Variants in GRIN2A observed in about 807,000 individuals in gnomAD.
GRIN2A encodes the protein glutamate ionotropic receptor NMDA type subunit 2A.
GRIN2A carries 22 observed loss-of-function variants against 113.4 expected under a neutral mutation model. That is an observed-to-expected ratio of 0.19 (90% CI 0.14 to 0.28). The LOEUF is 0.28. Among genes scored for constraint, GRIN2A ranks in the 10% least tolerant of loss-of-function variants. GRIN2A has a pLI of 1.00. For synonymous variants in GRIN2A, 827 were observed against 738.4 expected, an observed-to-expected ratio of 1.12 and a Z score of -1.94; for missense variants, 1,502 against 1,887.0, an observed-to-expected ratio of 0.80 and a Z score of 3.78.
At chr16:9,837,008 A>C (rs2042593508) in intron 7 of GRIN2A, among the ~76,000 whole-genome samples, 1 of 152,196 alleles carries the variant, frequency 6.6e-6, no homozygotes, top group South Asian at 2.1e-4. Context: ...AAAAGCTTAG[A>C]GGCATTACCT....
chr16:10,125,909 G>C (rs1567317097), intron 2 of GRIN2A, among the ~76,000 whole-genome samples: 1 of 152,002 alleles, frequency 6.6e-6, no homozygotes, highest in Non-Finnish European at 1.5e-5. Flanking sequence ...CAGAGCAGAA[G>C]GAGGTCTGAC....
At chr16:10,113,290 C>CG (rs1040349462) in intron 2 of GRIN2A, among the ~76,000 whole-genome samples, 2 of 151,998 alleles carry the variant, frequency 1.3e-5, no homozygotes, top group African/African-American at 4.8e-5. Flanking sequence ...TGGCTCTTCC[C>CG]GGGCCGCTGC....
chr16:9,783,412 T>C (rs1004856049), intron 11 of GRIN2A, among the ~76,000 whole-genome samples: 1 of 152,260 alleles, frequency 6.6e-6, no homozygotes, highest in Non-Finnish European at 1.5e-5. Flanking sequence ...ACTGTTATTA[T>C]AGTCAATAAA....
At chr16:9,794,965 A>G (rs1902878913) in intron 11 of GRIN2A, among the ~76,000 whole-genome samples, 1 of 152,106 alleles carries the variant, frequency 6.6e-6, no homozygotes, top group Admixed American at 6.6e-5. Context: ...GGTGATGGCC[A>G]TGATGATGGT....
At chr16:10,089,892 G>A (rs748888945) in intron 2 of GRIN2A, among the ~76,000 whole-genome samples, 4 of 152,024 alleles carry the variant, frequency 2.6e-5, no homozygotes, top group South Asian at 2.1e-4. Flanking sequence ...AAATAAAACC[G>A]ATGAGGGGGA....
intron 10 of GRIN2A, among the ~76,000 whole-genome samples, chr16:9,814,405 C>A (rs185307077): frequency 6.6e-6 from 1 of 152,114 alleles, no homozygotes; most frequent in African/African-American, 2.4e-5. Context: ...GTACCCAGAT[C>A]GTAGGGGTGT....
intron 3 of GRIN2A, among the ~76,000 whole-genome samples, chr16:9,894,487 T>G (rs541616664): frequency 1.6e-4 from 25 of 152,296 alleles, no homozygotes; most frequent in African/African-American, 6.0e-4. Context: ...CCCTTTGATG[T>G]TTCCTGGCTG....
intron 2 of GRIN2A, chr16:10,033,728 T>A (rs1285786794): frequency 4.6e-5 from 7 of 152,364 alleles, no homozygotes; most frequent in Non-Finnish European, 1.0e-4. Flanking sequence ...GAAGCAAGCA[T>A]GTGCGACCAG....
In GRIN2A at chr16:10,180,079, C is replaced by T. The variant is rs1286229927; in HGVS notation, c.333G>A (p.Gln111=). Residue 111 remains glutamine (Q), a synonymous_variant, in exon 2 of 13, where the codon CAG becomes CAA. Transcript: ENST00000330684. The surrounding 1 kb of genome is among the most constrained non-coding windows in gnomAD (Gnocchi z 7.0). ...TGTGGGAGGAGATAAAATCCAGCATCTGGGCTACGGCCTCCTGGTCCGTGT... is the reference window on the plus strand; with the variant it reads ...TGTGGGAGGAGATAAAATCCAGCATTTGGGCTACGGCCTCCTGGTCCGTGT... ...GDDTDQEAVA[Q]MLDFISSHTF... is the part of the protein sequence containing the mutation. The T allele has an allele frequency of 1.9e-6, 3 of 1,614,056 alleles. No homozygotes were observed. The African/African-American group carries it at 4.0e-5, about 22-fold the overall frequency.
At position 9,762,133 on chromosome 16, in the gene GRIN2A, A is replaced by G. The variant is rs1302344011; in HGVS notation, c.*1016T>C. The G allele has an allele frequency of 1.4e-5, 3 of 213,380 alleles. No homozygotes were observed. In the Middle Eastern group the frequency reaches 4.5e-3, roughly 322 times the overall value. The allele number at this position is 213,380 out of a possible 1,614,324, so 13.2% of individuals were successfully genotyped here. Reference sequence around the variant, plus strand: ...GTTGGTGCATGTCACCACATTAACAACTCTGGGAAGAGCGATACACAGCTA... The same window carrying G: ...GTTGGTGCATGTCACCACATTAACAGCTCTGGGAAGAGCGATACACAGCTA... On this transcript the variant is annotated 3_prime_UTR_variant, in exon 13 of 13. Coordinates refer to ENST00000330684, the MANE Select transcript of GRIN2A (RefSeq NM_001134407.3).
At chr16:9,781,102 C>T (rs754537902) in intron 11 of GRIN2A, among the ~76,000 whole-genome samples, 1 of 151,472 alleles carries the variant, frequency 6.6e-6, no homozygotes, top group Non-Finnish European at 1.5e-5. Context: ...ACAAAAACAG[C>T]CATAGACAAT....
chr16:9,927,678 A>G (rs2044494740), intron 3 of GRIN2A, among the ~76,000 whole-genome samples: 1 of 152,256 alleles, frequency 6.6e-6, no homozygotes, highest in Non-Finnish European at 1.5e-5. Context: ...GAGGAAGTCA[A>G]TACATGGTAG....
In GRIN2A at chr16:10,180,501, C is replaced by T. The variant is rs2050247091; in HGVS notation, c.-18-72G>A. The T allele has an allele frequency of 6.5e-7, 1 of 1,538,168 alleles. No individual in the cohort carries two copies. Among genetic ancestry groups the T allele is most frequent in the Non-Finnish European group, 8.7e-7 (1 of 1,148,276 alleles). On this transcript the variant is annotated intron_variant, in intron 1 of 12. Coordinates refer to ENST00000330684, the MANE Select transcript of GRIN2A (RefSeq NM_001134407.3). This position sits in a 1 kb window ranked among gnomAD's most constrained non-coding sequence, Gnocchi z 7.0. ...CAGAAGAAAGGGATTACCAACTTGGCTTCCTGCTCTAGGAGCCAGGCATGG... is the reference window on the plus strand; with the variant it reads ...CAGAAGAAAGGGATTACCAACTTGGTTTCCTGCTCTAGGAGCCAGGCATGG...
At chr16:9,892,006 A>G (rs2141485122) in intron 3 of GRIN2A, among the ~76,000 whole-genome samples, 1 of 152,244 alleles carries the variant, frequency 6.6e-6, no homozygotes, top group East Asian at 1.9e-4. Flanking sequence ...AGGTAGGGGA[A>G]TCACCTGAAG....
rs781722466 is a variant in GRIN2A, at chr16:10,180,340, G to T, written c.72C>A (p.Ser24Arg). The T allele has an allele frequency of 1.9e-6, 3 of 1,608,670 alleles. No homozygotes were observed. Among genetic ancestry groups the T allele is most frequent in the Non-Finnish European group, 2.5e-6 (3 of 1,179,864 alleles). Reference protein sequence around the residue: ...ALLVWRGPAPSAAAEKGPPAL... With the variant: ...ALLVWRGPAPRAAAEKGPPAL... ...CGGGGGGACCCTTCTCCGCCGCCGC[G>T]CTCGGCGCCGGACCGCGCCAGACCA... The change falls in exon 2 of 13, where the codon AGC becomes AGA. Residue 24 changes from serine to arginine, a missense_variant. Transcript: ENST00000330684. The surrounding 1 kb of genome is among the most constrained non-coding windows in gnomAD (Gnocchi z 7.0).
At chr16:10,176,658 T>C (rs987355863) in intron 2 of GRIN2A, among the ~76,000 whole-genome samples, 2 of 131,066 alleles carry the variant, frequency 1.5e-5, no homozygotes, top group East Asian at 2.3e-4. Flanking sequence ...ATGAGAACAC[T>C]TGGACACAGG....
At chr16:10,105,968 G>GCA (rs1555481068) in intron 2 of GRIN2A, among the ~76,000 whole-genome samples, 1 of 151,600 alleles carries the variant, frequency 6.6e-6, no homozygotes, top group Non-Finnish European at 1.5e-5. Flanking sequence ...ATATGCAAAG[G>GCA]TATATGTATA....
chr16:9,953,022 C>T (rs1460144452), intron 2 of GRIN2A, among the ~76,000 whole-genome samples: 4 of 151,972 alleles, frequency 2.6e-5, no homozygotes, highest in African/African-American at 4.8e-5. Flanking sequence ...TTTTTATCTT[C>T]GGGAAGGACC....
chr16:10,029,775 T>A lies in GRIN2A; in HGVS notation c.415-91224A>T, dbSNP rs904323500. Among the ~76,000 whole-genome samples the A allele has an allele frequency of 7.9e-5, 12 of 152,118 alleles. No individual in the cohort carries two copies. The East Asian group carries it at 2.3e-3, about 30-fold the overall frequency. ...TTTGGGAGGCCGAAGGGGGTGTAGA[T>A]CACCTGAGGTCTGGAGTTCGAGACC... On this transcript the variant is annotated intron_variant, in intron 2 of 12. Transcript: ENST00000330684.
Sources: gnomAD v4.1 joint callset for allele counts (sites outside exome capture counted in the v4.1 genomes callset) on GRCh38, gnomAD v4.1.1 for gene constraint, Gnocchi (gnomAD v3.1) non-coding constraint, MANE v1.5 for transcripts, NCBI Gene and HGNC (gene_info 2026-07-23, HGNC 2026-07-21) for gene names.